The following MAPK6 variants were observed in gnomAD, a reference collection of about 807,000 sequenced individuals.
MAPK6 encodes ERK-3.
Under a neutral mutation model 59.3 loss-of-function variants are expected in MAPK6, and 19 were observed. The observed-to-expected ratio is 0.32, with a 90% CI of 0.22 to 0.47. The LOEUF (loss-of-function observed/expected upper bound fraction) is 0.47, where lower values mean the gene tolerates loss of function less well. Among genes scored for constraint, MAPK6 ranks in the 20% least tolerant of loss-of-function variants. The pLI is 1.00. For missense variants in MAPK6, 724 were observed against 847.9 expected (o/e 0.85, Z 1.81); for synonymous variants, 316 against 290.3 (o/e 1.09, Z -0.90).
chr15:52,007,494 T>C (rs2029927548), intron 3 of MAPK6, among the ~76,000 whole-genome samples: 1 of 152,238 alleles, frequency 6.6e-6, no homozygotes. Context: ...TTTAATGTTA[T>C]TCTACGTAAG....
chr15:51,996,458 C>A (rs1012409257), intron 2 of MAPK6, among the ~76,000 whole-genome samples: 2 of 150,492 alleles, frequency 1.3e-5, no homozygotes, highest in Non-Finnish European at 3.0e-5. Context: ...TGCAGTGGTG[C>A]AATCTTGGCT....
chr15:52,064,022 T>G lies in MAPK6; in HGVS notation c.1188T>G (p.Val396=). Residue 396 remains valine (V), a synonymous_variant, in exon 6 of 6, where the codon GTT becomes GTG. Transcript: ENST00000261845. ...TCACTGATGAAGAAGAAGTACAAGT[T>G]GATCCCCGAAAATATTTGGATGGAG... ...SDVTDEEEVQ[V]DPRKYLDGDR... 1 of 1,613,854 alleles carries G rather than the reference T, an allele frequency of 6.2e-7. No individual in the cohort carries two copies. Among genetic ancestry groups the G allele is most frequent in the South Asian group, 1.1e-5 (1 of 91,056 alleles).
intron 5 of MAPK6, among the ~76,000 whole-genome samples, chr15:52,063,687 G>GGAAAT (rs2032297499): frequency 6.6e-6 from 1 of 152,106 alleles, no homozygotes; most frequent in Non-Finnish European, 1.5e-5. Context: ...AAAACAAATT[G>GGAAAT]GAAATGAAGT....
Position 52,064,844 on chromosome 15 carries a change from T to C in MAPK6, c.2010T>C (p.Phe670=), listed in dbSNP as rs1596018805. ...TGAACAACAGTGGGGAGTTCCTCTT[T>C]AACAAGCAGCTCGAGTCCATAGGCA... ...GFLNNSGEFL[F]NKQLESIGIP... is the part of the protein sequence containing the mutation. Residue 670 remains phenylalanine, a synonymous_variant, in exon 6 of 6, where the codon TTT becomes TTC. Coordinates refer to ENST00000261845, the MANE Select transcript of MAPK6 (RefSeq NM_002748.4). 6.2e-7 allele frequency: 1 copy of C among 1,611,968 alleles called. No individual in the cohort carries two copies. The highest frequency in any genetic ancestry group is 2.2e-5 in the East Asian group (1 of 44,882).
chr15:51,986,579 G>A lies in MAPK6; in HGVS notation c.-770+3264G>A, dbSNP rs1462871032. Among the ~76,000 whole-genome samples the A allele has an allele frequency of 2.6e-5, 4 of 152,062 alleles. No individual in the cohort carries two copies. The East Asian group carries it at 7.7e-4, about 29-fold the overall frequency. On this transcript the variant is annotated intron_variant, in intron 2 of 7. Coordinates refer to the MAPK6 transcript ENST00000691380. ...TGCTTTTGTAATCAAAAAAGACATC[G>A]TTGTATTCAAAATACCATTTTAGCC... is the stretch of plus-strand genomic sequence containing the variant.
chr15:52,017,555 G>T, upstream of MAPK6: 1 of 152,746 alleles, frequency 6.5e-6, no homozygotes, highest in South Asian at 2.0e-4. Context: ...AGGTCACTGG[G>T]GATACGATGG....
intron 2 of MAPK6, among the ~76,000 whole-genome samples, chr15:51,985,348 A>G (rs2057187406): frequency 1.3e-5 from 2 of 151,352 alleles, no homozygotes; most frequent in Non-Finnish European, 2.9e-5. Context: ...ATCTTTAATA[A>G]ATAAAATAAA....
intron 2 of MAPK6, among the ~76,000 whole-genome samples, chr15:52,047,645 CTT>C (rs35508228): frequency 1.0e-4 from 14 of 137,518 alleles, no homozygotes; most frequent in Admixed American, 1.5e-4. Context: ...CATGCCCAGC[CTT>C]TTTTTTTTTT....
chr15:52,024,324 A>G (rs1435454895), intron 1 of MAPK6, among the ~76,000 whole-genome samples: 1 of 152,062 alleles, frequency 6.6e-6, no homozygotes, highest in Non-Finnish European at 1.5e-5. Flanking sequence ...TGGGAACTTG[A>G]TAGACGTTAG....
At position 51,991,938 on chromosome 15, in the gene MAPK6, C is replaced by G. The variant is rs116429303; in HGVS notation, c.-770+8623C>G. Among the ~76,000 whole-genome samples the G allele has an allele frequency of 5.0e-3, 755 of 152,156 alleles. 9 individuals are homozygous for G. The highest frequency in any genetic ancestry group is 0.018 in the African/African-American group (731 of 41,524). On this transcript the variant is annotated intron_variant, in intron 2 of 7. Coordinates refer to the MAPK6 transcript ENST00000691380. ...ATAGGAAAAAGTCTAGGAGAAAATT[C>G]GAGGCAACTAAGTATTTATTTATCT...
At chr15:52,019,787 G>C (rs902022504) in intron 1 of MAPK6, 3 of 152,190 alleles carry the variant, frequency 2.0e-5, no homozygotes, top group African/African-American at 7.2e-5. Context: ...AAACCCAGCC[G>C]GACCGGACCG....
chr15:52,028,526 C>A (rs761708474), intron 1 of MAPK6, among the ~76,000 whole-genome samples: 2 of 152,156 alleles, frequency 1.3e-5, no homozygotes, highest in East Asian at 3.8e-4. Context: ...ATAGTGCTTT[C>A]TGCAATGAAA....
At chr15:52,058,958 T>G (rs2032092187) in intron 4 of MAPK6, among the ~76,000 whole-genome samples, 161 bp downstream of exon 4, 1 of 152,244 alleles carries the variant, frequency 6.6e-6, no homozygotes, top group Non-Finnish European at 1.5e-5. Flanking sequence ...TTTCCCTTTT[T>G]TTGTCCTGTT....
chr15:51,985,709 A>T (rs2057188895), intron 2 of MAPK6, among the ~76,000 whole-genome samples: 1 of 152,116 alleles, frequency 6.6e-6, no homozygotes, highest in African/African-American at 2.4e-5. Context: ...CTGTAATCCT[A>T]ACACTTTGGG....
At position 52,013,631 on chromosome 15, in the gene MAPK6, A is replaced by G. The variant is rs565051714; in HGVS notation, c.-632+9229A>G. Among the ~76,000 whole-genome samples the G allele has an allele frequency of 3.9e-5, 6 of 152,332 alleles. No individual in the cohort carries two copies. The South Asian group carries it at 1.2e-3, about 32-fold the overall frequency. On this transcript the variant is annotated intron_variant, in intron 3 of 7. Coordinates refer to the MAPK6 transcript ENST00000691380. The stretch of plus-strand genomic sequence containing the variant: ...CTCCTTCCTCACCTAGTAAAGGTAC[A>G]ATAACCATCTGAATATATTCTGTCT...
chr15:52,006,406 G>A (rs1014209547), intron 3 of MAPK6, among the ~76,000 whole-genome samples: 4 of 152,150 alleles, frequency 2.6e-5, no homozygotes, highest in African/African-American at 9.7e-5. Flanking sequence ...TGCTTTAAAA[G>A]TAGAATTAAA....
rs368094632 is a variant in MAPK6, at chr15:52,064,437, A to G, written c.1603A>G (p.Ile535Val). Residue 535 changes from isoleucine to valine, a missense_variant, in exon 6 of 6, where the codon ATT becomes GTT. Ile to Val is a conservative substitution (Grantham distance 29). Transcript: ENST00000261845. Reference sequence around the variant, plus strand: ...TTTTGATTCCTTTATTGCAGGAACTATTCAGCTTAGTTCCCAGCATGAGCC... The same window carrying G: ...TTTTGATTCCTTTATTGCAGGAACTGTTCAGCTTAGTTCCCAGCATGAGCC... ...FDFDSFIAGT[I>V]QLSSQHEPTD... The G allele has an allele frequency of 6.0e-5, 96 of 1,611,708 alleles. No individual in the cohort carries two copies. The highest frequency in any genetic ancestry group is 7.8e-5 in the Non-Finnish European group (92 of 1,179,708).
chr15:52,047,898 A>G (rs1047788295), intron 2 of MAPK6, among the ~76,000 whole-genome samples: 4 of 152,204 alleles, frequency 2.6e-5, no homozygotes, highest in Non-Finnish European at 4.4e-5. Context: ...AGTATAGCCA[A>G]AAAGATCTCA....
chr15:51,995,464 G>A (rs888412108), intron 2 of MAPK6, among the ~76,000 whole-genome samples: 1 of 152,142 alleles, frequency 6.6e-6, no homozygotes, highest in African/African-American at 2.4e-5. Flanking sequence ...TCATCTCTGT[G>A]TTCATTCTTG....
Sources: allele counts gnomAD v4.1 joint callset (sites outside exome capture counted in the v4.1 genomes callset), GRCh38; gene constraint gnomAD v4.1.1; transcripts MANE v1.5; gene names NCBI Gene and HGNC (gene_info 2026-07-23, HGNC 2026-07-21).